The following KCNQ3 variants were observed in gnomAD, a reference collection of about 807,000 sequenced individuals.
The protein encoded by KCNQ3 is potassium voltage-gated channel subfamily KQT member 3.
In KCNQ3, 30 loss-of-function variants were observed where a neutral mutation model predicts 92.5. That is an observed-to-expected ratio of 0.32 (90% CI 0.24 to 0.44). KCNQ3 has a LOEUF of 0.44. Ranked by LOEUF, KCNQ3 falls within the 20% of genes least tolerant of loss-of-function variation. The pLI, the probability that KCNQ3 is intolerant of heterozygous loss-of-function variation, is 1.00. For missense variants in KCNQ3, 913 were observed against 1,140.3 expected (o/e 0.80, Z 2.87); for synonymous variants, 450 against 468.8 (o/e 0.96, Z 0.52).
At chr8:132,300,004 A>G (rs1817164993) in intron 1 of KCNQ3, among the ~76,000 whole-genome samples, 1 of 152,170 alleles carries the variant, frequency 6.6e-6, no homozygotes, top group Non-Finnish European at 1.5e-5. Flanking sequence ...GATTGACAGT[A>G]TCTATTTATG....
chr8:132,304,800 T>A (rs1817364880), intron 1 of KCNQ3, among the ~76,000 whole-genome samples: 1 of 152,130 alleles, frequency 6.6e-6, no homozygotes, highest in African/African-American at 2.4e-5. Context: ...AATAGCATAA[T>A]TATACCTATT....
At chr8:132,248,545 CAAT>C (rs1815269393) in intron 1 of KCNQ3, among the ~76,000 whole-genome samples, 1 of 152,172 alleles carries the variant, frequency 6.6e-6, no homozygotes, top group African/African-American at 2.4e-5. Context: ...CAATTTAACA[CAAT>C]GAGCAAAACC....
At chr8:132,343,402 C>A (rs1189711157) in intron 1 of KCNQ3, among the ~76,000 whole-genome samples, 1 of 152,102 alleles carries the variant, frequency 6.6e-6, no homozygotes, top group Admixed American at 6.5e-5. Flanking sequence ...GTGCCCAGGC[C>A]TAATCTTTCT....
intron 1 of KCNQ3, among the ~76,000 whole-genome samples, chr8:132,247,658 C>T (rs1300568592): frequency 8.6e-5 from 13 of 151,882 alleles, no homozygotes; most frequent in East Asian, 3.9e-4. Context: ...ATTAGCCGGG[C>T]GTGGCGGTGG....
At chr8:132,415,537 C>T (rs190234477) in intron 1 of KCNQ3, among the ~76,000 whole-genome samples, 2 of 152,248 alleles carry the variant, frequency 1.3e-5, no homozygotes, top group Non-Finnish European at 2.9e-5. Flanking sequence ...TGACTCATGT[C>T]TCTGCAGTGA....
At chr8:132,387,721 C>A (rs1417200783) in intron 1 of KCNQ3, among the ~76,000 whole-genome samples, 1 of 152,122 alleles carries the variant, frequency 6.6e-6, no homozygotes, top group African/African-American at 2.4e-5. Context: ...AAGAAATAGG[C>A]TGGGCCCAGT....
intron 1 of KCNQ3, among the ~76,000 whole-genome samples, chr8:132,218,962 T>A (rs373704885): frequency 7.6e-4 from 115 of 152,316 alleles, no homozygotes; most frequent in African/African-American, 2.7e-3. Context: ...TTCTACAACA[T>A]TGACCTTTGG....
At chr8:132,435,007 G>T (rs1009420054) in intron 1 of KCNQ3, among the ~76,000 whole-genome samples, 11 of 152,174 alleles carry the variant, frequency 7.2e-5, no homozygotes, top group Non-Finnish European at 1.6e-4. Flanking sequence ...ACCATAGAAA[G>T]GATTCATTCA....
intron 1 of KCNQ3, among the ~76,000 whole-genome samples, chr8:132,276,217 C>T (rs796178391): frequency 4.6e-5 from 7 of 152,306 alleles, no homozygotes; most frequent in East Asian, 3.9e-4. Context: ...GTACCCCCAA[C>T]GCAGGTTAGA....
intron 1 of KCNQ3, among the ~76,000 whole-genome samples, chr8:132,216,125 G>C (rs911839431): frequency 1.3e-5 from 2 of 152,118 alleles, no homozygotes; most frequent in African/African-American, 4.8e-5. Flanking sequence ...CCACAGAATA[G>C]GGGCCTAGAG....
At chr8:132,410,431 C>T (rs923701935) in intron 1 of KCNQ3, among the ~76,000 whole-genome samples, 4 of 152,212 alleles carry the variant, frequency 2.6e-5, no homozygotes, top group Non-Finnish European at 4.4e-5. Context: ...GACTTTTTAG[C>T]TGTTGCTGCC....
chr8:132,360,622 C>G (rs1045389397), intron 1 of KCNQ3, among the ~76,000 whole-genome samples: 3 of 152,194 alleles, frequency 2.0e-5, no homozygotes, highest in East Asian at 1.9e-4. Flanking sequence ...ACCTCAGACT[C>G]ACGACAAGAG....
chr8:132,423,811 C>A (rs774747783), intron 1 of KCNQ3, among the ~76,000 whole-genome samples: 6 of 152,248 alleles, frequency 3.9e-5, no homozygotes, highest in African/African-American at 1.4e-4. Context: ...GAGCCTCACC[C>A]GGATGGCCCC....
chr8:132,361,699 A>T (rs544649042), intron 1 of KCNQ3, among the ~76,000 whole-genome samples: 90 of 152,326 alleles, frequency 5.9e-4, no homozygotes, highest in African/African-American at 2.1e-3. Flanking sequence ...TCACCAATAC[A>T]TTTAGAAAAA....
chr8:132,336,354 G>T (rs1338696522), intron 1 of KCNQ3, among the ~76,000 whole-genome samples: 3 of 152,152 alleles, frequency 2.0e-5, no homozygotes, highest in Non-Finnish European at 4.4e-5. Flanking sequence ...ACTTTCAAAT[G>T]GTGGCTCTAT....
chr8:132,332,400 C>A (rs1378224844), intron 1 of KCNQ3, among the ~76,000 whole-genome samples: 2 of 152,236 alleles, frequency 1.3e-5, no homozygotes, highest in African/African-American at 4.8e-5. Context: ...TATTCTCCTG[C>A]AGAAGGCACC....
intron 1 of KCNQ3, among the ~76,000 whole-genome samples, chr8:132,218,475 A>G (rs1814115047): frequency 6.6e-6 from 1 of 152,246 alleles, no homozygotes; most frequent in Non-Finnish European, 1.5e-5. Context: ...TAATAACAAT[A>G]GACAGAAACA....
intron 1 of KCNQ3, among the ~76,000 whole-genome samples, chr8:132,284,108 C>G (rs1816610111): frequency 6.6e-6 from 1 of 152,058 alleles, no homozygotes; most frequent in Non-Finnish European, 1.5e-5. Flanking sequence ...CAAGGAGATC[C>G]ACTCTGCTGT....
At chr8:132,230,525 T>C (rs186005936) in intron 1 of KCNQ3, among the ~76,000 whole-genome samples, 17 of 152,096 alleles carry the variant, frequency 1.1e-4, no homozygotes, top group African/African-American at 3.4e-4. Flanking sequence ...AGAAATTTTC[T>C]TGCAATGTGT....
Sources: allele counts gnomAD v4.1 joint callset (sites outside exome capture counted in the v4.1 genomes callset), GRCh38; gene constraint gnomAD v4.1.1; transcripts MANE v1.5; gene names NCBI Gene and HGNC (gene_info 2026-07-23, HGNC 2026-07-21).